Variants in PTPRG observed in about 807,000 individuals in gnomAD.
PTPRG encodes the protein receptor-type tyrosine-protein phosphatase gamma.
PTPRG carries 102 observed loss-of-function variants against 165.3 expected under a neutral mutation model. That is an observed-to-expected ratio of 0.62 (90% CI 0.53 to 0.73). The LOEUF (loss-of-function observed/expected upper bound fraction) is 0.73, where lower values mean the gene tolerates loss of function less well. Ranked by LOEUF, PTPRG falls within the 30% of genes least tolerant of loss-of-function variation. The pLI is 0.00. For synonymous variants in PTPRG, 675 were observed against 669.5 expected (o/e 1.01, Z -0.13); for missense variants, 1,866 against 1,861.4 (o/e 1.00, Z -0.05).
intron 1 of PTPRG, among the ~76,000 whole-genome samples, chr3:61,723,266 A>T (rs1575610834): frequency 6.6e-6 from 1 of 150,666 alleles, no homozygotes; most frequent in South Asian, 2.1e-4. Context: ...TGACTTTTCT[A>T]TTTTTTTTTC....
At chr3:61,582,794 T>C (rs2106800995) in intron 1 of PTPRG, among the ~76,000 whole-genome samples, 1 of 152,336 alleles carries the variant, frequency 6.6e-6, no homozygotes, top group Admixed American at 6.5e-5. Flanking sequence ...TCAAGTCAAC[T>C]GTTAGTGGAA....
At chr3:62,104,319 G>T (rs565687177) in intron 5 of PTPRG, among the ~76,000 whole-genome samples, 1 of 152,262 alleles carries the variant, frequency 6.6e-6, no homozygotes, top group Admixed American at 6.5e-5. Flanking sequence ...ATGATTTGTG[G>T]TTATTGTCTT....
intron 2 of PTPRG, among the ~76,000 whole-genome samples, chr3:61,912,732 CA>C (rs1256286107): frequency 6.6e-6 from 1 of 152,134 alleles, no homozygotes; most frequent in Non-Finnish European, 1.5e-5. Flanking sequence ...CTTTATTCTC[CA>C]TGCAGTTAGG....
chr3:61,661,381 G>C (rs1232866773), intron 1 of PTPRG, among the ~76,000 whole-genome samples: 1 of 151,794 alleles, frequency 6.6e-6, no homozygotes, highest in African/African-American at 2.4e-5. Context: ...AGCAAACCTT[G>C]ACTGTGGTGA....
chr3:62,037,773 A>G (rs954857292), intron 4 of PTPRG, among the ~76,000 whole-genome samples: 2 of 152,212 alleles, frequency 1.3e-5, no homozygotes, highest in African/African-American at 4.8e-5. Flanking sequence ...AATGCAGGCA[A>G]GGTTTCATTA....
intron 2 of PTPRG, among the ~76,000 whole-genome samples, chr3:61,944,284 T>A (rs549869845): frequency 6.6e-6 from 1 of 152,332 alleles, no homozygotes; most frequent in Non-Finnish European, 1.5e-5. Flanking sequence ...CACTGAGTTG[T>A]TGGATGTACA....
At chr3:62,238,867 A>G (rs34483955) in intron 14 of PTPRG, among the ~76,000 whole-genome samples, 264 of 152,326 alleles carry the variant, frequency 1.7e-3, no homozygotes, top group Admixed American at 3.7e-3. Context: ...AGTGTCAGAA[A>G]GATATATGCT....
At chr3:61,597,909 C>T (rs1162093156) in intron 1 of PTPRG, among the ~76,000 whole-genome samples, 1 of 152,124 alleles carries the variant, frequency 6.6e-6, no homozygotes, top group Non-Finnish European at 1.5e-5. Context: ...CAAAGCTAAA[C>T]ATTATTCTAG....
At chr3:62,205,376 A>G (rs1031038924) in intron 12 of PTPRG, among the ~76,000 whole-genome samples, 5 of 152,234 alleles carry the variant, frequency 3.3e-5, no homozygotes, top group Admixed American at 6.5e-5. Flanking sequence ...TGCCCACTGT[A>G]TAAGAGGCAC....
chr3:62,084,622 A>T (rs7646226), intron 5 of PTPRG, among the ~76,000 whole-genome samples: 1 of 152,128 alleles, frequency 6.6e-6, no homozygotes, highest in Non-Finnish European at 1.5e-5. Flanking sequence ...GATTATTTAT[A>T]GACATTGAGA....
At chr3:62,211,939 G>A (rs1180900206) in intron 12 of PTPRG, among the ~76,000 whole-genome samples, 2 of 151,810 alleles carry the variant, frequency 1.3e-5, no homozygotes, top group African/African-American at 2.4e-5. Context: ...ATATGCCACT[G>A]AAAACTGTTT....
chr3:61,564,115 G>C (rs375751641), intron 1 of PTPRG, among the ~76,000 whole-genome samples: 1 of 152,208 alleles, frequency 6.6e-6, no homozygotes, highest in South Asian at 2.1e-4. Flanking sequence ...AGGCCATGGG[G>C]ACATCTCCCC....
chr3:61,836,271 A>G (rs1056824056), intron 2 of PTPRG, among the ~76,000 whole-genome samples: 2 of 152,042 alleles, frequency 1.3e-5, no homozygotes, highest in Non-Finnish European at 2.9e-5. Flanking sequence ...TTTTCTGTTC[A>G]TCCACTACCC....
chr3:61,719,387 A>T (rs2031953008), intron 1 of PTPRG, among the ~76,000 whole-genome samples: 1 of 152,020 alleles, frequency 6.6e-6, no homozygotes, highest in African/African-American at 2.4e-5. Flanking sequence ...ACTGGTGTCG[A>T]GGTCTTTTCT....
intron 5 of PTPRG, among the ~76,000 whole-genome samples, chr3:62,109,919 TA>T (rs978500950): frequency 6.6e-6 from 1 of 152,092 alleles, no homozygotes; most frequent in Non-Finnish European, 1.5e-5. Context: ...GCCATTCCTA[TA>T]AACCATCACC....
intron 7 of PTPRG, among the ~76,000 whole-genome samples, chr3:62,164,183 C>T (rs1253007500): frequency 1.3e-5 from 2 of 152,158 alleles, no homozygotes; most frequent in Non-Finnish European, 2.9e-5. Flanking sequence ...TATTGCACAA[C>T]TCTAGGGGAC....
chr3:62,201,938 A>G (rs1370730334), intron 11 of PTPRG, among the ~76,000 whole-genome samples: 1 of 152,214 alleles, frequency 6.6e-6, no homozygotes. Flanking sequence ...ACCAGAATTA[A>G]TATCTTAGTT....
intron 5 of PTPRG, among the ~76,000 whole-genome samples, chr3:62,090,080 C>T (rs1192459406): frequency 2.0e-5 from 3 of 152,200 alleles, no homozygotes; most frequent in African/African-American, 7.2e-5. Context: ...GTGAGAGATA[C>T]TTCTAAAATT....
rs142560416 is a variant in PTPRG at position 61,905,042 on chromosome 3, A to C, written c.191-84583A>C. 1.3e-3 allele frequency among the ~76,000 whole-genome samples: 196 copies of C among 152,202 alleles called. 1 individual carries two copies. The highest frequency in any genetic ancestry group is 4.4e-3 in the African/African-American group (183 of 41,528). On this transcript the variant is annotated intron_variant, in intron 2 of 29. Transcript: ENST00000474889. ...TTCCCCCAGTCCCTAGAAGACCTCA[A>C]AGGAGCTGCTTTTTGAAGGAAAAGG...
Sources: gnomAD v4.1 joint callset for allele counts (sites outside exome capture counted in the v4.1 genomes callset) on GRCh38, gnomAD v4.1.1 for gene constraint, MANE v1.5 for transcripts, NCBI Gene and HGNC (gene_info 2026-07-23, HGNC 2026-07-21) for gene names.